The following PHACTR1 variants were observed in gnomAD, a reference collection of about 807,000 sequenced individuals.
The protein encoded by PHACTR1 is RPEL repeat containing 1.
PHACTR1 carries 16 observed loss-of-function variants against 69.2 expected under a neutral mutation model. That is an observed-to-expected ratio of 0.23 (90% CI 0.16 to 0.35). The LOEUF is 0.35. Ranked by LOEUF, PHACTR1 falls within the 10% of genes least tolerant of loss-of-function variation. PHACTR1 has a pLI of 1.00. For synonymous variants in PHACTR1, 312 were observed against 284.5 expected, an observed-to-expected ratio of 1.10 and a Z score of -0.97; for missense variants, 510 against 734.7, an observed-to-expected ratio of 0.69 and a Z score of 3.54.
At chr6:12,944,433 A>G (rs1156643169) in intron 4 of PHACTR1, among the ~76,000 whole-genome samples, 1 of 152,228 alleles carries the variant, frequency 6.6e-6, no homozygotes, top group Admixed American at 6.5e-5. Flanking sequence ...ACAATTACAT[A>G]CCTCTGCTAA....
chr6:12,881,229 TG>T (rs1386918626), intron 4 of PHACTR1, among the ~76,000 whole-genome samples: 3 of 152,094 alleles, frequency 2.0e-5, no homozygotes, highest in African/African-American at 7.2e-5. Context: ...CTTGTTGCCA[TG>T]GTGAATATTA....
At chr6:13,060,393 T>A (rs1807492920) in intron 5 of PHACTR1, among the ~76,000 whole-genome samples, 1 of 152,134 alleles carries the variant, frequency 6.6e-6, no homozygotes, top group Admixed American at 6.6e-5. Flanking sequence ...TCTATGTGTG[T>A]CTATAGGGGG....
chr6:13,140,256 C>A (rs1041497610), intron 5 of PHACTR1, among the ~76,000 whole-genome samples: 1 of 152,030 alleles, frequency 6.6e-6, no homozygotes, highest in Non-Finnish European at 1.5e-5. Flanking sequence ...ATGGAATTAC[C>A]ATATAACCCA....
intron 4 of PHACTR1, among the ~76,000 whole-genome samples, chr6:12,778,759 T>TCTCTA (rs1770419887): frequency 6.6e-6 from 1 of 152,228 alleles, no homozygotes; most frequent in Non-Finnish European, 1.5e-5. Context: ...GAAAGAGTAG[T>TCTCTA]CTCTATATAA....
intron 5 of PHACTR1, among the ~76,000 whole-genome samples, chr6:13,123,460 A>C (rs2127949899): frequency 6.6e-6 from 1 of 152,356 alleles, no homozygotes. Context: ...AGCATTAAAC[A>C]TTTAAAGGCT....
intron 3 of PHACTR1, among the ~76,000 whole-genome samples, chr6:12,721,913 C>T (rs984774579): frequency 3.3e-5 from 5 of 152,186 alleles, no homozygotes; most frequent in East Asian, 1.9e-4. Flanking sequence ...AAGCTTGTAT[C>T]GAACCAACGG....
At chr6:12,881,049 C>G (rs1373782605) in intron 4 of PHACTR1, among the ~76,000 whole-genome samples, 1 of 152,170 alleles carries the variant, frequency 6.6e-6, no homozygotes. Flanking sequence ...GACAGGTAGT[C>G]TGGGCGAAGG....
intron 6 of PHACTR1, among the ~76,000 whole-genome samples, chr6:13,178,335 C>T (rs927365046): frequency 6.6e-6 from 1 of 152,236 alleles, no homozygotes; most frequent in African/African-American, 2.4e-5. Flanking sequence ...AGCCACACAG[C>T]CAGCATTTCC....
At chr6:12,743,521 C>T (rs1765344985) in intron 3 of PHACTR1, among the ~76,000 whole-genome samples, 1 of 152,168 alleles carries the variant, frequency 6.6e-6, no homozygotes, top group African/African-American at 2.4e-5. Context: ...TATGATTCCT[C>T]TCCTCTTGAG....
At chr6:13,025,316 T>C (rs902105899) in intron 4 of PHACTR1, among the ~76,000 whole-genome samples, 1 of 151,858 alleles carries the variant, frequency 6.6e-6, no homozygotes, top group African/African-American at 2.4e-5. Context: ...TAAAGAAACA[T>C]ATAATAGAAG....
chr6:12,937,893 G>A (rs376127084), intron 4 of PHACTR1, among the ~76,000 whole-genome samples: 1 of 152,156 alleles, frequency 6.6e-6, no homozygotes, highest in South Asian at 2.1e-4. Flanking sequence ...TTGAGGTCAG[G>A]AGTTCAAGAC....
chr6:12,719,019 A>G (rs947375855), intron 3 of PHACTR1, among the ~76,000 whole-genome samples, 172 bp downstream of exon 3: 3 of 152,218 alleles, frequency 2.0e-5, no homozygotes, highest in African/African-American at 7.2e-5. Flanking sequence ...TAATAGAATA[A>G]ATAAATCCAC....
intron 5 of PHACTR1, among the ~76,000 whole-genome samples, chr6:13,126,879 A>AT (rs1204113268): frequency 6.6e-6 from 1 of 152,192 alleles, no homozygotes; most frequent in Admixed American, 6.5e-5. Flanking sequence ...GGAGAGGCAA[A>AT]TTTTTACCTC....
chr6:13,033,123 G>A (rs887654136), intron 4 of PHACTR1, among the ~76,000 whole-genome samples: 3 of 152,092 alleles, frequency 2.0e-5, no homozygotes, highest in African/African-American at 7.2e-5. Flanking sequence ...ATATAAGGAG[G>A]CAACTCTAGG....
chr6:12,797,645 GA>G (rs1419014409), intron 4 of PHACTR1, among the ~76,000 whole-genome samples: 3 of 152,114 alleles, frequency 2.0e-5, no homozygotes, highest in Non-Finnish European at 4.4e-5. Flanking sequence ...ATGGCCGGTG[GA>G]GACTCTGGAC....
chr6:12,915,529 A>G (rs1217374323), intron 4 of PHACTR1, among the ~76,000 whole-genome samples: 1 of 151,132 alleles, frequency 6.6e-6, no homozygotes, highest in Non-Finnish European at 1.5e-5. Flanking sequence ...AAGAAAAAAA[A>G]AAAAAACAGG....
intron 4 of PHACTR1, among the ~76,000 whole-genome samples, chr6:13,035,339 C>A (rs1305372240): frequency 6.6e-6 from 1 of 152,102 alleles, no homozygotes; most frequent in Non-Finnish European, 1.5e-5. Flanking sequence ...ATATACCCTC[C>A]TCTCAGAATC....
intron 4 of PHACTR1, among the ~76,000 whole-genome samples, chr6:12,902,645 C>A (rs909385515): frequency 3.9e-5 from 6 of 152,112 alleles, no homozygotes; most frequent in African/African-American, 1.2e-4. Context: ...AGGGGCATAA[C>A]CTGGATTTTC....
chr6:12,796,154 T>C (rs993998069), intron 4 of PHACTR1, among the ~76,000 whole-genome samples: 6 of 152,356 alleles, frequency 3.9e-5, no homozygotes, highest in Middle Eastern at 6.8e-3. Flanking sequence ...GGAGATTTAA[T>C]TGCTGTCATT....
Sources: allele counts gnomAD v4.1 joint callset (sites outside exome capture counted in the v4.1 genomes callset), GRCh38; gene constraint gnomAD v4.1.1; transcripts MANE v1.5; gene names NCBI Gene and HGNC (gene_info 2026-07-23, HGNC 2026-07-21).